MCM9: variants seen among roughly 807,000 people sequenced by gnomAD.
MCM9 encodes the protein DNA helicase MCM9.
MCM9 carries 55 observed loss-of-function variants against 72.8 expected under a neutral mutation model. The observed-to-expected ratio is 0.76, with a 90% CI of 0.61 to 0.95. The LOEUF (loss-of-function observed/expected upper bound fraction) is 0.95. MCM9 is among the 40% of genes least tolerant of loss of function. The pLI is 0.00. For missense variants in MCM9, 1,279 were observed against 1,377.0 expected (o/e 0.93, Z 1.13); for synonymous variants, 480 against 503.4 (o/e 0.95, Z 0.62).
Position 118,856,386 on chromosome 6 carries a change from C to T in MCM9, c.1310G>A (p.Ser437Asn), listed in dbSNP as rs768224054. 1.3e-6 allele frequency: 2 copies of T among 1,535,104 alleles called. No individual in the cohort carries two copies. The highest frequency in any genetic ancestry group is 1.2e-5 in the South Asian group (1 of 83,888). The change falls in exon 9 of 14, where the codon AGT (serine) becomes AAT (asparagine). Residue 437 changes from serine to asparagine, a missense_variant. Ser to Asn is a conservative substitution (Grantham distance 46). Coordinates refer to ENST00000619706, the MANE Select transcript of MCM9 (RefSeq NM_017696.3). ...IHEAMEQQTI[S>N]VAKAGLVCKL... ...AAACTCTTACCCAGCCTTAGCAACA[C>T]TTATGGTTTGTTGCTCCATTGCTTC...
chr6:118,893,971 C>T, intron 8 of MCM9: 1 of 980,566 alleles, frequency 1.0e-6, no homozygotes, highest in Non-Finnish European at 1.2e-6. Flanking sequence ...CTCCGCCCCT[C>T]TCCGCGCCGC....
intron 8 of MCM9, among the ~76,000 whole-genome samples, chr6:118,906,505 T>A (rs1780186979): frequency 6.6e-6 from 1 of 152,222 alleles, no homozygotes; most frequent in African/African-American, 2.4e-5. Flanking sequence ...TACTAATTAT[T>A]CAATGATGAT....
intron 8 of MCM9, among the ~76,000 whole-genome samples, chr6:118,893,515 C>A (rs1228796953): frequency 6.6e-6 from 1 of 152,108 alleles, no homozygotes; most frequent in Non-Finnish European, 1.5e-5. Flanking sequence ...CCAAAGGTTA[C>A]CTATTTAAAT....
chr6:118,833,321 A>T (rs1774723329), intron 9 of MCM9, among the ~76,000 whole-genome samples: 1 of 152,208 alleles, frequency 6.6e-6, no homozygotes, highest in Non-Finnish European at 1.5e-5. Flanking sequence ...AGGGAAAAAA[A>T]ATTGCTTCTA....
intron 9 of MCM9, among the ~76,000 whole-genome samples, chr6:118,843,040 A>G (rs767755711): frequency 8.5e-5 from 13 of 152,224 alleles, no homozygotes; most frequent in Non-Finnish European, 1.9e-4. Context: ...AGTCACATTT[A>G]GTAGGCTCTA....
At position 118,827,939 on chromosome 6, in the gene MCM9, G is replaced by T; in HGVS notation, c.1720C>A (p.Arg574=). Residue 574 remains arginine, a synonymous_variant, in exon 11 of 14, where the codon CGA becomes AGA. Transcript: ENST00000619706. ...GAATGAAATAGACCTTCTGCTAATCGTATCAAGCTTTCCAACAGCCGAATG... is the reference window on the plus strand; with the variant it reads ...GAATGAAATAGACCTTCTGCTAATCTTATCAAGCTTTCCAACAGCCGAATG... ...TTIRLLESLI[R]LAEAHARLMF... 1.9e-6 allele frequency: 3 copies of T among 1,550,900 alleles called. No homozygotes were observed. The highest frequency in any genetic ancestry group is 2.6e-6 in the Non-Finnish European group (3 of 1,147,034).
intron 9 of MCM9, among the ~76,000 whole-genome samples, chr6:118,841,299 C>A (rs1775346761): frequency 6.6e-6 from 1 of 152,194 alleles, no homozygotes; most frequent in Non-Finnish European, 1.5e-5. Flanking sequence ...ACAGCCCATG[C>A]AGCCCCCTAG....
At position 118,856,377 on chromosome 6, in the gene MCM9, T is replaced by C; in HGVS notation, c.1319A>G (p.Lys440Arg). 6.5e-7 allele frequency: 1 copy of C among 1,533,178 alleles called. No individual in the cohort carries two copies. The highest frequency in any genetic ancestry group is 8.7e-7 in the Non-Finnish European group (1 of 1,146,180). 95.0% of individuals were successfully genotyped at this position (1,533,178 alleles called of 1,614,324 possible). ...AMEQQTISVA[K>R]AGLVCKLNTR... ...ATTTTAAAGAAACTCTTACCCAGCC[T>C]TAGCAACACTTATGGTTTGTTGCTC... The change falls in exon 9 of 14, where the codon AAG becomes AGG. Residue 440 changes from lysine to arginine, a missense_variant. By Grantham distance (26) the Lys-to-Arg change is conservative. Transcript: ENST00000619706.
intron 8 of MCM9, among the ~76,000 whole-genome samples, chr6:118,870,697 T>C (rs1488971869): frequency 6.6e-6 from 1 of 151,414 alleles, no homozygotes; most frequent in Non-Finnish European, 1.5e-5. Flanking sequence ...GGGTTGACTT[T>C]TAAAAAATAA....
At chr6:118,907,412 A>G (rs1341001845) in intron 8 of MCM9, 3 of 1,597,816 alleles carry the variant, frequency 1.9e-6, no homozygotes, top group South Asian at 2.2e-5. Context: ...CTTCAAAGGA[A>G]TATTTTGGCA....
intron 8 of MCM9, among the ~76,000 whole-genome samples, chr6:118,880,846 A>C (rs1583524341): frequency 6.6e-6 from 1 of 152,220 alleles, no homozygotes; most frequent in African/African-American, 2.4e-5. Flanking sequence ...TTTATTGTTA[A>C]TATCAAAGCA....
At chr6:118,923,474 A>G (rs1781605074) in intron 4 of MCM9, among the ~76,000 whole-genome samples, 1 of 152,192 alleles carries the variant, frequency 6.6e-6, no homozygotes, top group Non-Finnish European at 1.5e-5. Flanking sequence ...CCATTTAAGC[A>G]TTAATTAATC....
intron 8 of MCM9, among the ~76,000 whole-genome samples, chr6:118,862,832 T>C (rs1776988501): frequency 6.6e-6 from 1 of 152,174 alleles, no homozygotes; most frequent in African/African-American, 2.4e-5. Flanking sequence ...AAGAAGACAG[T>C]AAAGTGAAAT....
Position 118,914,754 on chromosome 6 carries a change from G to C in MCM9, c.905-1334C>G, listed in dbSNP as rs560912033. 1.3e-3 allele frequency among the ~76,000 whole-genome samples: 197 copies of C among 152,280 alleles called. 1 individual carries two copies. The highest frequency in any genetic ancestry group is 4.6e-3 in the African/African-American group (192 of 41,558). On this transcript the variant is annotated intron_variant, in intron 6 of 13. Coordinates refer to ENST00000619706, the MANE Select transcript of MCM9 (RefSeq NM_017696.3). ...GCAAATTGATCTGGGAATTACATAAGCCAAAACTTAGAGCCAATTTTACTG... is the reference window on the plus strand; with the variant it reads ...GCAAATTGATCTGGGAATTACATAACCCAAAACTTAGAGCCAATTTTACTG...
At chr6:118,843,672 A>ATATATG (rs1321655061) in intron 9 of MCM9, among the ~76,000 whole-genome samples, 1 of 40,674 alleles carries the variant, frequency 2.5e-5, no homozygotes, top group African/African-American at 7.9e-5. Flanking sequence ...ATATATATGT[A>ATATATG]TGTATATATA....
chr6:118,895,124 G>C (rs550635419), intron 8 of MCM9, among the ~76,000 whole-genome samples: 162 of 152,212 alleles, frequency 1.1e-3, no homozygotes, highest in African/African-American at 3.6e-3. Context: ...AGGAGAGCGA[G>C]GCTGTCCTCG....
chr6:118,816,039 A>C lies in MCM9; in HGVS notation c.2217T>G (p.Asp739Glu). 1.9e-6 allele frequency: 3 copies of C among 1,550,430 alleles called. No individual in the cohort carries two copies. The South Asian group carries it at 3.6e-5, about 18-fold the overall frequency. The change falls in exon 14 of 14, where the codon GAT (aspartate) becomes GAG (glutamate). Residue 739 changes from aspartate (D) to glutamate (E), a missense_variant. Transcript: ENST00000619706. ...TGAAATCAAACCAATCTAAACTGTC[A>C]TCTCTGTTATTTTTGTGCTGAGCTG... ...KHSAQHKNNR[D>E]DSLDWFDFMA...
chr6:118,838,362 T>C (rs1479877012), intron 9 of MCM9, among the ~76,000 whole-genome samples: 2 of 151,334 alleles, frequency 1.3e-5, no homozygotes, highest in Non-Finnish European at 1.5e-5. Context: ...GGTTTCACCA[T>C]GTTAGCCAGG....
At chr6:118,836,379 C>T (rs889427538) in intron 9 of MCM9, among the ~76,000 whole-genome samples, 4 of 152,044 alleles carry the variant, frequency 2.6e-5, no homozygotes, top group Non-Finnish European at 5.9e-5. Context: ...TTGGGGGGAG[C>T]CCCTCTTTTT....
Sources: allele counts gnomAD v4.1 joint callset (sites outside exome capture counted in the v4.1 genomes callset), GRCh38; gene constraint gnomAD v4.1.1; transcripts MANE v1.5; gene names NCBI Gene and HGNC (gene_info 2026-07-23, HGNC 2026-07-21).